ZC3H4: variants seen among roughly 807,000 people sequenced by gnomAD.
The protein encoded by ZC3H4 is zinc finger CCCH domain-containing protein 4.
Under a neutral mutation model 108.3 loss-of-function variants are expected in ZC3H4, and 13 were observed. That is an observed-to-expected ratio of 0.12 (90% CI 0.08 to 0.19). ZC3H4 has a LOEUF of 0.19. Among genes scored for constraint, ZC3H4 ranks in the 10% least tolerant of loss-of-function variants. The probability of loss-of-function intolerance (pLI) is 1.00; values close to 1 mark genes in which losing one functional copy is unlikely to be tolerated. For synonymous variants in ZC3H4, 917 were observed against 749.6 expected, an observed-to-expected ratio of 1.22 and a Z score of -3.65; for missense variants, 1,734 against 1,838.8, an observed-to-expected ratio of 0.94 and a Z score of 1.04.
intron 2 of ZC3H4, among the ~76,000 whole-genome samples, chr19:47,098,814 T>C (rs1263306314): frequency 6.6e-6 from 1 of 152,198 alleles, no homozygotes; most frequent in East Asian, 1.9e-4. Context: ...GTAGACATGA[T>C]ATTTCAAAGG....
chr19:47,105,186 C>T (rs1454531605), intron 2 of ZC3H4, among the ~76,000 whole-genome samples: 1 of 152,156 alleles, frequency 6.6e-6, no homozygotes, highest in African/African-American at 2.4e-5. Context: ...GCTGTGCAGG[C>T]ATACCAGACA....
chr19:47,089,061 C>T (rs757714105), intron 5 of ZC3H4, among the ~76,000 whole-genome samples: 67 of 151,866 alleles, frequency 4.4e-4, no homozygotes, highest in Non-Finnish European at 7.8e-4. Flanking sequence ...CAAAAACTAG[C>T]TGGGTGTAGT....
chr19:47,065,994 A>T lies in ZC3H4; in HGVS notation c.*362T>A. The T allele has an allele frequency of 2.2e-5, 4 of 179,648 alleles. No homozygotes were observed. Among genetic ancestry groups the T allele is most frequent in the African/African-American group, 2.4e-5 (1 of 42,454 alleles). 11.1% of individuals were successfully genotyped at this position (179,648 alleles called of 1,614,324 possible). ...AACTGTTCCCTTTGTCCTGGGGAAA[A>T]GGGGCCATGCTTTGCCCAGAAAACC... is the stretch of plus-strand genomic sequence containing the variant. On this transcript the variant is annotated 3_prime_UTR_variant, in exon 15 of 15. Transcript: ENST00000253048.
At chr19:47,084,317 G>C (rs777662343) in intron 9 of ZC3H4, 28 bp downstream of exon 9, 3 of 1,605,098 alleles carry the variant, frequency 1.9e-6, no homozygotes, top group African/African-American at 2.7e-5. Flanking sequence ...TGGCCTCCTA[G>C]AGGTGCCCAG....
chr19:47,087,777 G>A (rs559773357), intron 5 of ZC3H4, among the ~76,000 whole-genome samples: 2 of 152,318 alleles, frequency 1.3e-5, no homozygotes, highest in Admixed American at 1.3e-4. Flanking sequence ...GAGAGGCTAA[G>A]GCACGAGAAT....
intron 6 of ZC3H4, 150 bp downstream of exon 6, chr19:47,086,234 A>G (rs1223443677): frequency 1.2e-6 from 1 of 859,280 alleles, no homozygotes; most frequent in African/African-American, 1.7e-5. Context: ...AATATTTTTA[A>G]ACACATACAT....
At chr19:47,090,310 G>T (rs2057709626) in intron 4 of ZC3H4, 121 bp from the exon 5 acceptor site, 1 of 1,099,962 alleles carries the variant, frequency 9.1e-7, no homozygotes, top group Non-Finnish European at 1.3e-6. Context: ...CTGTCCCAGG[G>T]TTGCACTGCT....
At chr19:47,082,109 G>A (rs932582671) in intron 10 of ZC3H4, 75 bp downstream of exon 10, 52 of 1,209,734 alleles carry the variant, frequency 4.3e-5, no homozygotes, top group Admixed American at 1.9e-4. Flanking sequence ...AGGAAGATTG[G>A]CTGTTACTAC....
rs773584638 is a variant in ZC3H4 at position 47,089,994 on chromosome 19, C to T, written c.688G>A (p.Ala230Thr). The T allele has an allele frequency of 6.2e-7, 1 of 1,614,242 alleles. No homozygotes were observed. The highest frequency in any genetic ancestry group is 1.7e-5 in the Admixed American group (1 of 60,028). ...FTKELNQYRR[A>T]KEGSSRGRGS... The stretch of plus-strand genomic sequence containing the variant: ...CGGCCGCGGCTGCTGCCCTCCTTGG[C>T]ACGCCGGTACTGGTTCAGCTCTTTG... Residue 230 changes from alanine to threonine, a missense_variant, in exon 5 of 15, where the codon GCC (alanine) becomes ACC (threonine). Ala to Thr is a moderately conservative substitution (Grantham distance 58). Coordinates refer to ENST00000253048, the MANE Select transcript of ZC3H4 (RefSeq NM_015168.2).
intron 11 of ZC3H4, among the ~76,000 whole-genome samples, chr19:47,075,116 G>A (rs919425963): frequency 1.3e-5 from 2 of 152,116 alleles, no homozygotes; most frequent in Non-Finnish European, 2.9e-5. Context: ...AATGGTATCT[G>A]GACCCTGGAA....
At chr19:47,089,383 G>GT (rs1311370183) in intron 5 of ZC3H4, among the ~76,000 whole-genome samples, 1 of 151,988 alleles carries the variant, frequency 6.6e-6, no homozygotes, top group Non-Finnish European at 1.5e-5. Context: ...GCTGTTGTTG[G>GT]TCAGGCTGGT....
intron 11 of ZC3H4, among the ~76,000 whole-genome samples, chr19:47,076,799 C>T (rs553259119): frequency 8.5e-5 from 13 of 152,192 alleles, no homozygotes; most frequent in Middle Eastern, 3.4e-3. Context: ...TCGAGACCAG[C>T]CTGATCAACA....
intron 2 of ZC3H4, among the ~76,000 whole-genome samples, chr19:47,111,114 G>A (rs1490493839): frequency 1.3e-5 from 2 of 152,022 alleles, no homozygotes; most frequent in Non-Finnish European, 2.9e-5. Flanking sequence ...TGTCCAGAGC[G>A]TTCTCTTCCC....
chr19:47,070,574 G>A (rs1218889584), intron 13 of ZC3H4, among the ~76,000 whole-genome samples: 5 of 152,176 alleles, frequency 3.3e-5, no homozygotes, highest in African/African-American at 1.2e-4. Flanking sequence ...TGAAGGGGGA[G>A]GAGCTGAGAA....
rs538589151 is a variant in ZC3H4 at position 47,064,917 on chromosome 19, C to A, written c.*1439G>T. 4.7e-4 allele frequency: 72 copies of A among 152,194 alleles called. No homozygotes were observed. Among genetic ancestry groups the A allele is most frequent in the African/African-American group, 1.6e-3 (65 of 41,506 alleles). The allele number at this position is 152,194 out of a possible 1,614,324, so 9.4% of individuals were successfully genotyped here. A position where few individuals can be genotyped will look rare whatever the true frequency, so the allele number is the denominator to read the frequency against. On this transcript the variant is annotated 3_prime_UTR_variant, in exon 15 of 15. Transcript: ENST00000253048. ...ACCCTGAGGAGGAGGGAAGGGGAAT[C>A]CCTTGGCAGGTAACTAGGTCTCTTC... is the stretch of plus-strand genomic sequence containing the variant.
At chr19:47,104,355 T>C (rs952432018) in intron 2 of ZC3H4, among the ~76,000 whole-genome samples, 1 of 152,148 alleles carries the variant, frequency 6.6e-6, no homozygotes, top group Non-Finnish European at 1.5e-5. Context: ...AAAGAACTGA[T>C]ACAACCTATT....
Position 47,090,742 on chromosome 19 carries a change from AACGAC to A in ZC3H4, c.493-558_493-554del, listed in dbSNP as rs1442726278. Among the ~76,000 whole-genome samples the A allele has an allele frequency of 2.0e-5, 3 of 152,274 alleles. No homozygotes were observed. The East Asian group carries it at 5.8e-4, about 29-fold the overall frequency. ...AACTGGTATATCCAGACAATGGAGT[AACGAC>A]GAATATGTAACAATAAAGTGTGTAT... On this transcript the variant is annotated intron_variant, in intron 4 of 14. Transcript: ENST00000253048.
intron 2 of ZC3H4, among the ~76,000 whole-genome samples, chr19:47,111,822 CCTT>C (rs1176969380): frequency 2.0e-5 from 3 of 152,080 alleles, no homozygotes; most frequent in Admixed American, 6.6e-5. Context: ...TGAACCCCCA[CCTT>C]CTGCCTCCTA....
chr19:47,107,045 G>A (rs1339386092), intron 2 of ZC3H4, among the ~76,000 whole-genome samples: 1 of 152,164 alleles, frequency 6.6e-6, no homozygotes, highest in Non-Finnish European at 1.5e-5. Context: ...ATGAACACAG[G>A]AGGTACAGTC....
Sources: gnomAD v4.1 joint callset for allele counts (sites outside exome capture counted in the v4.1 genomes callset) on GRCh38, gnomAD v4.1.1 for gene constraint, MANE v1.5 for transcripts, NCBI Gene and HGNC (gene_info 2026-07-23, HGNC 2026-07-21) for gene names.